RYR3: variants seen among roughly 807,000 people sequenced by gnomAD.
RYR3 encodes the protein brain ryanodine receptor-calcium release channel.
Under a neutral mutation model 584.3 loss-of-function variants are expected in RYR3, and 207 were observed. The observed-to-expected ratio is 0.35, with a 90% CI of 0.32 to 0.40. The LOEUF (loss-of-function observed/expected upper bound fraction) is 0.40, where lower values mean the gene tolerates loss of function less well. Ranked by LOEUF, RYR3 falls within the 10% of genes least tolerant of loss-of-function variation. RYR3 has a pLI of 1.00. For synonymous variants in RYR3, 2,416 were observed against 2,248.5 expected (o/e 1.07, Z -2.11); for missense variants, 5,616 against 6,089.2 (o/e 0.92, Z 2.59).
chr15:33,767,786 G>A (rs887845707), intron 60 of RYR3, among the ~76,000 whole-genome samples: 1 of 152,180 alleles, frequency 6.6e-6, no homozygotes, highest in African/African-American at 2.4e-5. Flanking sequence ...AGCCATGCCA[G>A]TGTCAGTAAT....
intron 1 of RYR3, among the ~76,000 whole-genome samples, chr15:33,343,767 G>C (rs1026783628): frequency 1.1e-4 from 17 of 152,162 alleles, no homozygotes; most frequent in African/African-American, 4.1e-4. Flanking sequence ...ATCAAAGTGC[G>C]AGGTGTCCCA....
chr15:33,797,049 A>G (rs2075669710), intron 67 of RYR3, among the ~76,000 whole-genome samples: 1 of 152,216 alleles, frequency 6.6e-6, no homozygotes, highest in East Asian at 1.9e-4. Context: ...TGGGAGCTAA[A>G]TAATGTGTCC....
chr15:33,831,385 T>G (rs2077665373), intron 86 of RYR3, among the ~76,000 whole-genome samples: 1 of 152,264 alleles, frequency 6.6e-6, no homozygotes, highest in Admixed American at 6.5e-5. Context: ...GAAAATGTCT[T>G]ACTCAAAACT....
intron 2 of RYR3, among the ~76,000 whole-genome samples, chr15:33,478,518 T>C (rs1476404127): frequency 2.6e-5 from 4 of 152,186 alleles, no homozygotes; most frequent in Non-Finnish European, 5.9e-5. Flanking sequence ...CCAGTCCACA[T>C]GCAGGCTATC....
At chr15:33,411,487 T>G (rs1021985093) in intron 1 of RYR3, among the ~76,000 whole-genome samples, 1 of 152,214 alleles carries the variant, frequency 6.6e-6, no homozygotes, top group Non-Finnish European at 1.5e-5. Context: ...GAATGAGATA[T>G]GAGGATGGTT....
At position 33,722,903 on chromosome 15, in the gene RYR3, A is replaced by AATGG; in HGVS notation, c.6800+10_6800+13dup. The AATGG allele has an allele frequency of 3.9e-6, 6 of 1,556,204 alleles. No individual in the cohort carries two copies. The African/African-American group carries it at 5.5e-5, about 14-fold the overall frequency. ...AGGATACAAAAGAGAAGTGTAAGTG[A>AATGG]ATGGAATTCCCTTCCGGCACAGATA... On this transcript the variant is annotated intron_variant, in intron 44 of 103. Coordinates refer to ENST00000634891, the MANE Select transcript of RYR3 (RefSeq NM_001036.6).
At chr15:33,715,411 C>T (rs1226317416) in intron 43 of RYR3, among the ~76,000 whole-genome samples, 1 of 152,064 alleles carries the variant, frequency 6.6e-6, no homozygotes, top group Admixed American at 6.6e-5. Context: ...CAGTTTAAGA[C>T]AAATAGGAAC....
chr15:33,596,207 A>C (rs943527348), intron 16 of RYR3, among the ~76,000 whole-genome samples: 4 of 151,578 alleles, frequency 2.6e-5, no homozygotes, highest in African/African-American at 9.7e-5. Flanking sequence ...TTAAGGACAC[A>C]CTTTTTTTTT....
At chr15:33,560,364 T>C (rs1022720991) in intron 10 of RYR3, among the ~76,000 whole-genome samples, 1 of 152,214 alleles carries the variant, frequency 6.6e-6, no homozygotes, top group Non-Finnish European at 1.5e-5. Flanking sequence ...CGATGCTGTT[T>C]TGTAAAAACA....
intron 34 of RYR3, among the ~76,000 whole-genome samples, chr15:33,661,763 C>T (rs1475621649): frequency 6.6e-6 from 1 of 152,198 alleles, no homozygotes; most frequent in Non-Finnish European, 1.5e-5. Context: ...TGACAGAAAG[C>T]ATAATCTACA....
intron 60 of RYR3, among the ~76,000 whole-genome samples, chr15:33,766,854 G>A (rs995486217): frequency 1.3e-5 from 2 of 152,172 alleles, no homozygotes; most frequent in Non-Finnish European, 2.9e-5. Context: ...CAAACTCTGA[G>A]ATGGAGGAGA....
chr15:33,859,462 C>T (rs1172110739), intron 99 of RYR3, 113 bp from the exon 100 acceptor site: 37 of 1,165,394 alleles, frequency 3.2e-5, no homozygotes, highest in Non-Finnish European at 4.4e-5. Context: ...AAGAGTTCCC[C>T]TCTCGTGGCT....
chr15:33,708,759 G>T (rs1439490918), intron 43 of RYR3, among the ~76,000 whole-genome samples: 1 of 152,124 alleles, frequency 6.6e-6, no homozygotes, highest in East Asian at 1.9e-4. Context: ...CTTTAGAAGG[G>T]TGTGCCCTTA....
chr15:33,382,921 G>C (rs529075163), intron 1 of RYR3, among the ~76,000 whole-genome samples: 2 of 149,988 alleles, frequency 1.3e-5, no homozygotes, highest in Admixed American at 6.7e-5. Context: ...TTTTAAACCT[G>C]TAGCTGTATT....
At chr15:33,526,138 G>C (rs1326354767) in intron 3 of RYR3, among the ~76,000 whole-genome samples, 1 of 152,198 alleles carries the variant, frequency 6.6e-6, no homozygotes, top group Non-Finnish European at 1.5e-5. Context: ...TGTGTGGCTG[G>C]ACAGAAGCAT....
intron 38 of RYR3, among the ~76,000 whole-genome samples, chr15:33,679,959 T>C (rs951095877): frequency 1.3e-5 from 2 of 152,368 alleles, no homozygotes; most frequent in Admixed American, 6.5e-5. Flanking sequence ...TTCTGAGTTT[T>C]ATGGAGCTAT....
chr15:33,714,867 AG>A (rs2067383091), intron 43 of RYR3, among the ~76,000 whole-genome samples: 1 of 152,212 alleles, frequency 6.6e-6, no homozygotes, highest in Admixed American at 6.5e-5. Context: ...AGCAGGAAAC[AG>A]AGAAAACCCA....
chr15:33,773,568 G>A lies in RYR3; in HGVS notation c.9090G>A (p.Leu3030=). The change falls in exon 64 of 104, where the codon CTG becomes CTA. Residue 3030 remains leucine, a synonymous_variant. Transcript: ENST00000634891. ...GDVQISCYHI[L]CSLYSLGTGK... ...TGCAGATTTCATGCTACCACATACT[G>A]TGCAGCCTCTACTCCCTTGGGACGG... 2.5e-6 allele frequency: 4 copies of A among 1,609,666 alleles called. No homozygotes were observed. The highest frequency in any genetic ancestry group is 3.4e-6 in the Non-Finnish European group (4 of 1,177,998).
At chr15:33,479,367 A>T (rs919426175) in intron 2 of RYR3, among the ~76,000 whole-genome samples, 1 of 151,938 alleles carries the variant, frequency 6.6e-6, no homozygotes, top group Non-Finnish European at 1.5e-5. Flanking sequence ...GATGTATGTT[A>T]GTACATAGTA....
Sources: allele counts gnomAD v4.1 joint callset (sites outside exome capture counted in the v4.1 genomes callset), GRCh38; gene constraint gnomAD v4.1.1; transcripts MANE v1.5; gene names NCBI Gene and HGNC (gene_info 2026-07-23, HGNC 2026-07-21).